The following TBL1XR1 variants were observed in gnomAD, a reference collection of about 807,000 sequenced individuals.
TBL1XR1 encodes the protein TBL1X/Y related 1.
In TBL1XR1, 5 loss-of-function variants were observed where a neutral mutation model predicts 66.9. That is an observed-to-expected ratio of 0.07 (90% CI 0.04 to 0.16). The LOEUF (loss-of-function observed/expected upper bound fraction) is 0.16. Among genes scored for constraint, TBL1XR1 ranks in the 10% least tolerant of loss-of-function variants. The probability of loss-of-function intolerance (pLI) is 1.00; values close to 1 mark genes in which losing one functional copy is unlikely to be tolerated. For missense variants in TBL1XR1, 238 were observed against 623.2 expected (o/e 0.38, Z 6.58); for synonymous variants, 210 against 206.0 (o/e 1.02, Z -0.17).
chr3:177,153,562 C>T (rs990746278), intron 1 of TBL1XR1, among the ~76,000 whole-genome samples: 1 of 152,058 alleles, frequency 6.6e-6, no homozygotes, highest in Non-Finnish European at 1.5e-5. Flanking sequence ...ATGTGAAATG[C>T]AATAATTTTA....
intron 1 of TBL1XR1, among the ~76,000 whole-genome samples, chr3:177,192,332 G>C (rs1736253779): frequency 6.6e-6 from 1 of 150,654 alleles, no homozygotes; most frequent in South Asian, 2.1e-4. Context: ...GCAGTAAGAG[G>C]AGATCGCGCC....
chr3:177,136,527 G>T (rs570378971), intron 1 of TBL1XR1, among the ~76,000 whole-genome samples: 1 of 152,124 alleles, frequency 6.6e-6, no homozygotes, highest in Admixed American at 6.5e-5. Context: ...TGATCCACCC[G>T]CCTAGGCCTC....
intron 1 of TBL1XR1, among the ~76,000 whole-genome samples, chr3:177,181,822 GAAAAA>G (rs199618348): frequency 1.2e-5 from 1 of 86,582 alleles, no homozygotes; most frequent in African/African-American, 3.4e-5. Context: ...TTCAAGTTAG[GAAAAA>G]AAAAAAAAAA....
intron 3 of TBL1XR1, among the ~76,000 whole-genome samples, chr3:177,059,206 G>A (rs1347102368): frequency 6.6e-6 from 1 of 152,106 alleles, no homozygotes; most frequent in South Asian, 2.1e-4. Flanking sequence ...TGACTCCATC[G>A]AATACACTGG....
chr3:177,124,333 C>CT (rs899016216), intron 1 of TBL1XR1, among the ~76,000 whole-genome samples: 1 of 152,074 alleles, frequency 6.6e-6, no homozygotes, highest in Non-Finnish European at 1.5e-5. Flanking sequence ...TCCCAGAACT[C>CT]TGTCAACAAC....
At chr3:177,036,103 G>C (rs980169012) in intron 12 of TBL1XR1, among the ~76,000 whole-genome samples, 15 of 152,164 alleles carry the variant, frequency 9.9e-5, no homozygotes, top group Admixed American at 5.9e-4. Flanking sequence ...AAAGGAACCA[G>C]GCCGCGTTCA....
intron 1 of TBL1XR1, among the ~76,000 whole-genome samples, chr3:177,109,352 T>C (rs1330329852): frequency 6.6e-6 from 1 of 151,998 alleles, no homozygotes; most frequent in Non-Finnish European, 1.5e-5. Flanking sequence ...ATCAAGCAAG[T>C]CCCCTTTAAG....
At chr3:177,103,411 A>C (rs562841487) in intron 1 of TBL1XR1, among the ~76,000 whole-genome samples, 22 of 152,180 alleles carry the variant, frequency 1.4e-4, no homozygotes, top group Non-Finnish European at 2.6e-4. Context: ...CCAAAAATGT[A>C]TTTCAGAGCA....
chr3:177,190,039 A>G (rs1161804358), intron 1 of TBL1XR1, among the ~76,000 whole-genome samples: 2 of 149,896 alleles, frequency 1.3e-5, no homozygotes, highest in Non-Finnish European at 3.0e-5. Context: ...AGGCTGAAGC[A>G]GGAAAATCGC....
chr3:177,052,959 G>A (rs1443171375), intron 4 of TBL1XR1, among the ~76,000 whole-genome samples: 1 of 152,082 alleles, frequency 6.6e-6, no homozygotes, highest in Non-Finnish European at 1.5e-5. Context: ...AAAATTAGCT[G>A]GGCATGGTGG....
chr3:177,099,123 T>C (rs930862014), intron 1 of TBL1XR1, among the ~76,000 whole-genome samples: 2 of 152,096 alleles, frequency 1.3e-5, no homozygotes, highest in African/African-American at 4.8e-5. Flanking sequence ...TCCCAGCACT[T>C]TGGGAGGCCG....
chr3:177,105,107 T>C (rs1220240026), intron 1 of TBL1XR1, among the ~76,000 whole-genome samples: 1 of 152,214 alleles, frequency 6.6e-6, no homozygotes, highest in Non-Finnish European at 1.5e-5. Flanking sequence ...ACACTCCAAA[T>C]TTACGGATAC....
At chr3:177,128,531 G>C (rs187613921) in intron 1 of TBL1XR1, among the ~76,000 whole-genome samples, 1 of 152,130 alleles carries the variant, frequency 6.6e-6, no homozygotes, top group East Asian at 1.9e-4. Context: ...ATCCCACCAC[G>C]CCTGGTTAAT....
At chr3:177,077,323 CTA>C (rs1720817481) in intron 2 of TBL1XR1, among the ~76,000 whole-genome samples, 1 of 151,604 alleles carries the variant, frequency 6.6e-6, no homozygotes, top group Non-Finnish European at 1.5e-5. Flanking sequence ...AGGTAAGAAA[CTA>C]TGTTAAATCC....
At chr3:177,153,994 G>C (rs1374338205) in intron 1 of TBL1XR1, among the ~76,000 whole-genome samples, 1 of 147,886 alleles carries the variant, frequency 6.8e-6, no homozygotes, top group East Asian at 2.0e-4. Flanking sequence ...ACTAAATCAA[G>C]GCGCCAAGAA....
intron 1 of TBL1XR1, among the ~76,000 whole-genome samples, chr3:177,099,092 C>A (rs991582122): frequency 6.6e-6 from 1 of 152,130 alleles, no homozygotes; most frequent in Non-Finnish European, 1.5e-5. Context: ...TGCAGCCAGG[C>A]GCGGTGGCTC....
intron 1 of TBL1XR1, among the ~76,000 whole-genome samples, chr3:177,158,580 T>G (rs372082862): frequency 1.3e-5 from 2 of 152,152 alleles, no homozygotes; most frequent in African/African-American, 4.8e-5. Flanking sequence ...TTCATCCCTA[T>G]GGTATACTCC....
At chr3:177,118,252 G>C (rs1015296275) in intron 1 of TBL1XR1, among the ~76,000 whole-genome samples, 1 of 152,146 alleles carries the variant, frequency 6.6e-6, no homozygotes, top group African/African-American at 2.4e-5. Flanking sequence ...AAGAGTTCTT[G>C]AACATTCATT....
chr3:177,157,846 G>A (rs1385760807), intron 1 of TBL1XR1, among the ~76,000 whole-genome samples: 7 of 152,104 alleles, frequency 4.6e-5, no homozygotes, highest in Admixed American at 1.3e-4. Flanking sequence ...CGTGATCTTC[G>A]TCTTAAATTG....
Sources: gnomAD v4.1 joint callset for allele counts (sites outside exome capture counted in the v4.1 genomes callset) on GRCh38, gnomAD v4.1.1 for gene constraint, MANE v1.5 for transcripts, NCBI Gene and HGNC (gene_info 2026-07-23, HGNC 2026-07-21) for gene names.